Variants in EIF4G3 observed in about 807,000 individuals in gnomAD.
EIF4G3 encodes eIF-4-gamma 3.
Under a neutral mutation model 186.4 loss-of-function variants are expected in EIF4G3, and 34 were observed. The observed-to-expected ratio is 0.18, with a 90% CI of 0.14 to 0.24. The LOEUF (loss-of-function observed/expected upper bound fraction) is 0.24. Ranked by LOEUF, EIF4G3 falls within the 10% of genes least tolerant of loss-of-function variation. The probability of loss-of-function intolerance (pLI) is 1.00; values close to 1 mark genes in which losing one functional copy is unlikely to be tolerated. For missense variants in EIF4G3, 1,536 were observed against 1,948.5 expected (o/e 0.79, Z 3.99); for synonymous variants, 673 against 679.5 (o/e 0.99, Z 0.15).
At chr1:21,092,140 G>C (rs975869094) in intron 2 of EIF4G3, among the ~76,000 whole-genome samples, 7 of 152,054 alleles carry the variant, frequency 4.6e-5, no homozygotes, top group Non-Finnish European at 8.8e-5. Flanking sequence ...GTCATAAATA[G>C]CTCTTATTAT....
chr1:21,041,547 T>C (rs903541983), intron 4 of EIF4G3, among the ~76,000 whole-genome samples: 2 of 152,172 alleles, frequency 1.3e-5, no homozygotes, highest in Non-Finnish European at 2.9e-5. Flanking sequence ...TAAAAGAAGA[T>C]GGGCAATTTT....
At chr1:21,020,272 G>A (rs997281397) in intron 4 of EIF4G3, among the ~76,000 whole-genome samples, 20 of 152,090 alleles carry the variant, frequency 1.3e-4, no homozygotes, top group Admixed American at 1.1e-3. Context: ...AAGATTGCTT[G>A]AGCTTAAAAG....
intron 20 of EIF4G3, among the ~76,000 whole-genome samples, chr1:20,875,007 A>T (rs2080341483): frequency 6.6e-6 from 1 of 152,076 alleles, no homozygotes; most frequent in South Asian, 2.1e-4. Flanking sequence ...ACTAGGTCTC[A>T]CTCTGTCACC....
At chr1:20,976,282 C>T (rs1217517417) in intron 10 of EIF4G3, among the ~76,000 whole-genome samples, 29 of 151,860 alleles carry the variant, frequency 1.9e-4, no homozygotes, top group Non-Finnish European at 1.2e-4. Context: ...CCCATCAACT[C>T]GTCATTTAAC....
intron 4 of EIF4G3, among the ~76,000 whole-genome samples, chr1:21,048,524 TAG>T (rs1456425511): frequency 6.6e-6 from 1 of 151,942 alleles, no homozygotes; most frequent in African/African-American, 2.4e-5. Flanking sequence ...ATGGCTTCTC[TAG>T]TGACTAGCTC....
chr1:20,950,673 T>C (rs1189326616), intron 12 of EIF4G3, among the ~76,000 whole-genome samples: 2 of 152,188 alleles, frequency 1.3e-5, no homozygotes, highest in Non-Finnish European at 2.9e-5. Flanking sequence ...TACCATAAAA[T>C]GTCTACAGGT....
chr1:21,078,332 C>T (rs2095652183), intron 3 of EIF4G3, among the ~76,000 whole-genome samples: 1 of 152,040 alleles, frequency 6.6e-6, no homozygotes, highest in Non-Finnish European at 1.5e-5. Flanking sequence ...CATGATGTTA[C>T]ATGAAATAAG....
chr1:20,900,690 CCTT>C (rs770210796), intron 15 of EIF4G3, among the ~76,000 whole-genome samples: 5 of 152,072 alleles, frequency 3.3e-5, no homozygotes, highest in Non-Finnish European at 5.9e-5. Context: ...CTTCAAAACT[CCTT>C]GAGGCAAAGT....
chr1:21,024,197 C>T (rs1435443535), intron 4 of EIF4G3, among the ~76,000 whole-genome samples: 3 of 151,514 alleles, frequency 2.0e-5, no homozygotes, highest in Admixed American at 6.6e-5. Flanking sequence ...CCCGGCCAGC[C>T]GCCCCATCCG....
chr1:20,847,936 T>C (rs17449243), intron 29 of EIF4G3: 55,384 of 438,914 alleles, frequency 0.13, 4,081 homozygotes, highest in Middle Eastern at 0.19. Context: ...AAGCAGATGA[T>C]GATTACACTG....
At chr1:20,867,342 T>C (rs2077786462) in intron 20 of EIF4G3, among the ~76,000 whole-genome samples, 1 of 152,194 alleles carries the variant, frequency 6.6e-6, no homozygotes, top group Non-Finnish European at 1.5e-5. Flanking sequence ...TTGAGCAAGT[T>C]ACCTCACTGA....
At chr1:20,961,096 T>C (rs2096558634) in intron 12 of EIF4G3, among the ~76,000 whole-genome samples, 1 of 152,048 alleles carries the variant, frequency 6.6e-6, no homozygotes, top group Admixed American at 6.5e-5. Context: ...TAAAAATAAT[T>C]TTTATTGGCC....
chr1:20,872,531 G>T (rs575094667), intron 20 of EIF4G3, among the ~76,000 whole-genome samples: 1 of 151,984 alleles, frequency 6.6e-6, no homozygotes, highest in Non-Finnish European at 1.5e-5. Context: ...ATTTTTTAAG[G>T]TTCAGCAATA....
At chr1:20,997,703 A>G in intron 6 of EIF4G3, 70 bp from the exon 7 acceptor site, 1 of 1,268,722 alleles carries the variant, frequency 7.9e-7, no homozygotes, top group Non-Finnish European at 1.1e-6. Context: ...AACAAAAACC[A>G]AAATTTCACA....
At chr1:21,147,253 T>G (rs2097459072) in intron 2 of EIF4G3, among the ~76,000 whole-genome samples, 1 of 151,860 alleles carries the variant, frequency 6.6e-6, no homozygotes, top group African/African-American at 2.4e-5. Context: ...AGAGCAAGAC[T>G]CCATCTCAAT....
At chr1:20,812,877 G>A (rs1305092387) in intron 35 of EIF4G3, among the ~76,000 whole-genome samples, 2 of 152,154 alleles carry the variant, frequency 1.3e-5, no homozygotes, top group South Asian at 4.1e-4. Flanking sequence ...AATGTTAGAA[G>A]TGAAAAGATA....
chr1:21,132,122 T>C (rs1307192931), intron 2 of EIF4G3, among the ~76,000 whole-genome samples: 6 of 151,990 alleles, frequency 3.9e-5, no homozygotes, highest in Admixed American at 2.6e-4. Flanking sequence ...AGTAAACATA[T>C]TGTTAGATAT....
intron 18 of EIF4G3, among the ~76,000 whole-genome samples, chr1:20,892,943 TG>T (rs1310895850): frequency 2.6e-5 from 4 of 152,114 alleles, no homozygotes; most frequent in Non-Finnish European, 5.9e-5. Context: ...GTTCTTGTTT[TG>T]TCACCCAGAC....
chr1:20,991,043 C>T (rs969561337), intron 7 of EIF4G3, among the ~76,000 whole-genome samples: 2 of 152,174 alleles, frequency 1.3e-5, no homozygotes, highest in Non-Finnish European at 2.9e-5. Flanking sequence ...TAGAAAGGGA[C>T]AAGCTTTAAA....
Sources: gnomAD v4.1 joint callset for allele counts (sites outside exome capture counted in the v4.1 genomes callset) on GRCh38, gnomAD v4.1.1 for gene constraint, MANE v1.5 for transcripts, NCBI Gene and HGNC (gene_info 2026-07-23, HGNC 2026-07-21) for gene names.